AGAP1: variants seen among roughly 807,000 people sequenced by gnomAD.
AGAP1 encodes the protein ArfGAP with GTPase domain, ankyrin repeat and PH domain 1, also known as arf-GAP with GTPase, ANK repeat and PH domain-containing protein 1.
AGAP1 carries 29 observed loss-of-function variants against 105.3 expected under a neutral mutation model. The ratio of observed to expected loss-of-function variants is 0.28; its 90% CI spans 0.21 to 0.38. The LOEUF (loss-of-function observed/expected upper bound fraction) is 0.38, where lower values mean the gene tolerates loss of function less well. AGAP1 is among the 10% of genes least tolerant of loss of function. The probability of loss-of-function intolerance (pLI) is 1.00; values close to 1 mark genes in which losing one functional copy is unlikely to be tolerated. For missense variants in AGAP1, 998 were observed against 1,165.1 expected (o/e 0.86, Z 2.09); for synonymous variants, 509 against 485.9 (o/e 1.05, Z -0.63).
chr2:235,632,739 G>T (rs1472924967), intron 1 of AGAP1, among the ~76,000 whole-genome samples: 1 of 152,154 alleles, frequency 6.6e-6, no homozygotes, highest in Non-Finnish European at 1.5e-5. Context: ...ATGCTAAACA[G>T]TGCCCGCTGA....
Position 236,121,754 on chromosome 2 carries a change from C to T in AGAP1, c.2370+1307C>T, listed in dbSNP as rs1037430146. On this transcript the variant is annotated intron_variant, in intron 17 of 17. Coordinates refer to ENST00000304032, the MANE Select transcript of AGAP1 (RefSeq NM_001037131.3). This position sits in a 1 kb window ranked among gnomAD's most constrained non-coding sequence, Gnocchi z 4.9. ...GTGTAGTGTGCTAGGGCTGCCATAA[C>T]AAAATACCACAGACAGGGGTGCTTC... Among the ~76,000 whole-genome samples the T allele has an allele frequency of 2.0e-5, 3 of 152,166 alleles. No homozygotes were observed. The highest frequency in any genetic ancestry group is 7.2e-5 in the African/African-American group (3 of 41,434).
chr2:236,022,416 G>A (rs2056915000), intron 13 of AGAP1, among the ~76,000 whole-genome samples: 1 of 152,172 alleles, frequency 6.6e-6, no homozygotes, highest in South Asian at 2.1e-4. Context: ...AACTGCGTGT[G>A]TTTATAATGA....
rs944803489 is a variant in AGAP1 at position 236,080,743 on chromosome 2, G to A, written c.2114+31462G>A. On this transcript the variant is annotated intron_variant, in intron 16 of 17. Transcript: ENST00000304032. The surrounding 1 kb of genome is among the most constrained non-coding windows in gnomAD (Gnocchi z 4.2). Reference sequence around the variant, plus strand: ...CATGGTTTCATTCCTTCTAGAGGCTGTGAGAGAGTCCATGCCCCTGTCTGT... The same window carrying A: ...CATGGTTTCATTCCTTCTAGAGGCTATGAGAGAGTCCATGCCCCTGTCTGT... Among the ~76,000 whole-genome samples, 2 of 152,148 alleles carry A rather than the reference G, an allele frequency of 1.3e-5. No homozygotes were observed. The highest frequency in any genetic ancestry group is 2.9e-5 in the Non-Finnish European group (2 of 68,026).
chr2:235,631,841 C>T lies in AGAP1; in HGVS notation c.164-77338C>T, dbSNP rs1185953355. ...CCCTTCCTGCTGTCAGGTGTGGCCA[C>T]TCTCGTGAGATGCAACTGGAGGTGT... On this transcript the variant is annotated intron_variant, in intron 1 of 17. Coordinates refer to ENST00000304032, the MANE Select transcript of AGAP1 (RefSeq NM_001037131.3). The surrounding 1 kb of genome is among the most constrained non-coding windows in gnomAD (Gnocchi z 5.4). Among the ~76,000 whole-genome samples the T allele has an allele frequency of 1.3e-5, 2 of 152,226 alleles. No individual in the cohort carries two copies. The highest frequency in any genetic ancestry group is 2.4e-5 in the African/African-American group (1 of 41,468).
At position 236,119,378 on chromosome 2, in the gene AGAP1, G is replaced by T. The variant is rs1415407331; in HGVS notation, c.2115-814G>T. ...CTTAAGCCTTCCCCAAGTATCTGGA[G>T]ATTCCAAAAGCTGCATCTCCCTGCT... On this transcript the variant is annotated intron_variant, in intron 16 of 17. Transcript: ENST00000304032. The surrounding 1 kb of genome is among the most constrained non-coding windows in gnomAD (Gnocchi z 6.6). Among the ~76,000 whole-genome samples the T allele has an allele frequency of 6.6e-6, 1 of 152,190 alleles. No homozygotes were observed. Among genetic ancestry groups the T allele is most frequent in the East Asian group, 1.9e-4 (1 of 5,188 alleles).
Position 235,662,019 on chromosome 2 carries a change from G to GTT in AGAP1, c.164-47159_164-47158dup, listed in dbSNP as rs1172919281. 6.6e-6 allele frequency among the ~76,000 whole-genome samples: 1 copy of GTT among 152,192 alleles called. No individual in the cohort carries two copies. The highest frequency in any genetic ancestry group is 1.9e-4 in the East Asian group (1 of 5,184). The stretch of plus-strand genomic sequence containing the variant: ...TTGGAGGCCAAGATTGTAGGGCAGT[G>GTT]TTATCCTGGGTGAGTTGGGGTATGG... On this transcript the variant is annotated intron_variant, in intron 1 of 17. Coordinates refer to ENST00000304032, the MANE Select transcript of AGAP1 (RefSeq NM_001037131.3). This position sits in a 1 kb window ranked among gnomAD's most constrained non-coding sequence, Gnocchi z 4.2.
chr2:235,678,105 G>C (rs1457763985), intron 1 of AGAP1, among the ~76,000 whole-genome samples: 2 of 152,140 alleles, frequency 1.3e-5, no homozygotes, highest in Non-Finnish European at 2.9e-5. Context: ...CGCGGCGCTG[G>C]CTTTTGCTCC....
chr2:235,581,996 G>A (rs1174439055), intron 1 of AGAP1, among the ~76,000 whole-genome samples: 7 of 152,176 alleles, frequency 4.6e-5, no homozygotes, highest in Admixed American at 3.3e-4. Flanking sequence ...CTTAAGGCCT[G>A]AGTGTTGATG....
rs1398164377 is a variant in AGAP1 at position 235,789,310 on chromosome 2, G to T, written c.674-8449G>T. 6.6e-6 allele frequency among the ~76,000 whole-genome samples: 1 copy of T among 152,166 alleles called. No individual in the cohort carries two copies. Among genetic ancestry groups the T allele is most frequent in the Non-Finnish European group, 1.5e-5 (1 of 68,040 alleles). ...TTCTAAAATTCTGAAATTAACGTCA[G>T]CAGCCTTGACTTTGCTCTGTCCTGA... On this transcript the variant is annotated intron_variant, in intron 6 of 17. Coordinates refer to ENST00000304032, the MANE Select transcript of AGAP1 (RefSeq NM_001037131.3). This position sits in a 1 kb window ranked among gnomAD's most constrained non-coding sequence, Gnocchi z 4.2.
chr2:236,041,616 T>C (rs1489185558), intron 15 of AGAP1, among the ~76,000 whole-genome samples: 1 of 152,224 alleles, frequency 6.6e-6, no homozygotes, highest in African/African-American at 2.4e-5. Context: ...ATTGGAGACA[T>C]TCAGTAAATT....
chr2:236,015,731 T>G (rs1396611058), intron 13 of AGAP1, among the ~76,000 whole-genome samples: 1 of 152,114 alleles, frequency 6.6e-6, no homozygotes, highest in Non-Finnish European at 1.5e-5. Flanking sequence ...TTTTTTCACT[T>G]AAGTGCAAGC....
chr2:235,822,803 G>A (rs1035555437), intron 9 of AGAP1, among the ~76,000 whole-genome samples: 1 of 152,188 alleles, frequency 6.6e-6, no homozygotes, highest in African/African-American at 2.4e-5. Context: ...GTGAGAATGG[G>A]GTGGCAGTTC....
chr2:235,870,884 C>T (rs1291803529), intron 9 of AGAP1, among the ~76,000 whole-genome samples: 2 of 152,240 alleles, frequency 1.3e-5, no homozygotes, highest in South Asian at 4.1e-4. Context: ...CCAGAGACCA[C>T]TTTTCTTTCT....
rs528465909 is a variant in AGAP1 at position 235,759,283 on chromosome 2, T to C, written c.673+8795T>C. ...TCCTGGGTTCACACCATTCTCCTGCTTCAGCCTCCCAAGTAGCTGGGACTA... is the reference window on the plus strand; with the variant it reads ...TCCTGGGTTCACACCATTCTCCTGCCTCAGCCTCCCAAGTAGCTGGGACTA... On this transcript the variant is annotated intron_variant, in intron 6 of 17. Transcript: ENST00000304032. Among the ~76,000 whole-genome samples the C allele has an allele frequency of 2.6e-3, 389 of 151,256 alleles. 1 individual carries two copies. The highest frequency in any genetic ancestry group is 8.9e-3 in the African/African-American group (366 of 41,168).
chr2:235,932,222 G>A (rs1575813378), intron 12 of AGAP1, among the ~76,000 whole-genome samples: 1 of 152,182 alleles, frequency 6.6e-6, no homozygotes, highest in East Asian at 1.9e-4. Context: ...CCCGCCACCT[G>A]CCAGCCAGGC....
At position 236,001,648 on chromosome 2, in the gene AGAP1, A is replaced by T. The variant is rs543653247; in HGVS notation, c.1645+33025A>T. Among the ~76,000 whole-genome samples the T allele has an allele frequency of 1.3e-5, 2 of 152,286 alleles. No homozygotes were observed. The highest frequency in any genetic ancestry group is 3.9e-4 in the East Asian group (2 of 5,146). Reference sequence around the variant, plus strand: ...CCAGGGCCGGGAGACCAGGAGGCCGAGAGCGGTAGAACGTCACATCCTGGA... The same window carrying T: ...CCAGGGCCGGGAGACCAGGAGGCCGTGAGCGGTAGAACGTCACATCCTGGA... On this transcript the variant is annotated intron_variant, in intron 13 of 17. Coordinates refer to ENST00000304032, the MANE Select transcript of AGAP1 (RefSeq NM_001037131.3). This position sits in a 1 kb window ranked among gnomAD's most constrained non-coding sequence, Gnocchi z 4.7.
intron 9 of AGAP1, among the ~76,000 whole-genome samples, chr2:235,826,651 T>C (rs1249773267): frequency 6.6e-6 from 1 of 152,148 alleles, no homozygotes; most frequent in African/African-American, 2.4e-5. Flanking sequence ...GGTTTTACCA[T>C]GTTGGCCAGG....
rs368486473 is a variant in AGAP1 at position 235,660,169 on chromosome 2, G to T, written c.164-49010G>T. ...CTTTCTCAGGGGGGCGGCCACCCAA[G>T]ATCAGCTGCGGCTGAGGATTTTTGT... On this transcript the variant is annotated intron_variant, in intron 1 of 17. Coordinates refer to ENST00000304032, the MANE Select transcript of AGAP1 (RefSeq NM_001037131.3). The surrounding 1 kb of genome is among the most constrained non-coding windows in gnomAD (Gnocchi z 5.3). Among the ~76,000 whole-genome samples, 2 of 152,180 alleles carry T rather than the reference G, an allele frequency of 1.3e-5. No homozygotes were observed. Among genetic ancestry groups the T allele is most frequent in the East Asian group, 3.9e-4 (2 of 5,186 alleles).
rs1450260955 is a variant in AGAP1 at position 235,904,963 on chromosome 2, G to A, written c.1156-3775G>A. Among the ~76,000 whole-genome samples, 2 of 151,942 alleles carry A rather than the reference G, an allele frequency of 1.3e-5. No individual in the cohort carries two copies. The highest frequency in any genetic ancestry group is 1.5e-5 in the Non-Finnish European group (1 of 68,000). On this transcript the variant is annotated intron_variant, in intron 10 of 17. Transcript: ENST00000304032. This position sits in a 1 kb window ranked among gnomAD's most constrained non-coding sequence, Gnocchi z 4.2. ...ATAAGAATTGGCTATTTTAAATACC[G>A]ATTTTATTTATTTTTTTTTTTTAGA...
Sources: gnomAD v4.1 joint callset for allele counts (sites outside exome capture counted in the v4.1 genomes callset) on GRCh38, gnomAD v4.1.1 for gene constraint, Gnocchi (gnomAD v3.1) non-coding constraint, MANE v1.5 for transcripts, NCBI Gene and HGNC (gene_info 2026-07-23, HGNC 2026-07-21) for gene names.